ATG2A: variants seen among roughly 807,000 people sequenced by gnomAD.
ATG2A encodes autophagy related 2A.
A neutral mutation model predicts 214.2 loss-of-function variants in ATG2A; 103 were observed. That is an observed-to-expected ratio of 0.48 (90% CI 0.41 to 0.57). The LOEUF (loss-of-function observed/expected upper bound fraction) is 0.57. Among genes scored for constraint, ATG2A ranks in the 20% least tolerant of loss-of-function variants. The pLI is 0.00. For missense variants in ATG2A, 2,312 were observed against 2,613.2 expected (o/e 0.88, Z 2.51); for synonymous variants, 1,160 against 1,142.1 (o/e 1.02, Z -0.32).
rs1390977774 is a variant in ATG2A at position 64,913,954 on chromosome 11, G to C, written c.488-31C>G. 6.2e-7 allele frequency: 1 copy of C among 1,609,678 alleles called. No individual in the cohort carries two copies. The highest frequency in any genetic ancestry group is 1.3e-5 in the African/African-American group (1 of 74,856). On this transcript the variant is annotated intron_variant, in intron 3 of 40. Transcript: ENST00000377264. The surrounding 1 kb of genome is among the most constrained non-coding windows in gnomAD (Gnocchi z 4.3). ...GAGTTGGGGAGGGGTCTCAGGTCAG[G>C]TAGAGCAGCAAAGGGGAGGCAGAAT...
intron 31 of ATG2A, among the ~76,000 whole-genome samples, chr11:64,899,171 C>G (rs962011189): frequency 1.3e-5 from 2 of 152,162 alleles, no homozygotes; most frequent in Non-Finnish European, 2.9e-5. Flanking sequence ...TCCCAAAGTG[C>G]TGGGACTACA....
rs1280466810 is a variant in ATG2A at position 64,903,882 on chromosome 11, G to T, written c.3465-222C>A. ...TGCCTGCAGTTCCGACACCTCAATG[G>T]GGCCTCATGACAGTCCTGGGAAGGG... On this transcript the variant is annotated intron_variant, in intron 24 of 40. Coordinates refer to ENST00000377264, the MANE Select transcript of ATG2A (RefSeq NM_015104.3). This position sits in a 1 kb window ranked among gnomAD's most constrained non-coding sequence, Gnocchi z 4.2. 1.3e-5 allele frequency among the ~76,000 whole-genome samples: 2 copies of T among 152,184 alleles called. No homozygotes were observed. The highest frequency in any genetic ancestry group is 2.9e-5 in the Non-Finnish European group (2 of 68,012).
At chr11:64,912,841 C>T (rs1944828450) in intron 6 of ATG2A, 197 bp downstream of exon 6, 1 of 545,184 alleles carries the variant, frequency 1.8e-6, no homozygotes, top group Non-Finnish European at 3.2e-6. Flanking sequence ...GATCCACCCA[C>T]CTTGGCCTCC....
Position 64,900,489 on chromosome 11 carries a change from C to T in ATG2A, c.4464+5G>A, listed in dbSNP as rs1201589163. ...CGTGTAGTAGGCACTCGCCACCCCA[C>T]TCACCTTGCTCAGCTGGATCTCCAT... On this transcript the variant is annotated splice_donor_5th_base_variant and intron_variant, in intron 31 of 40. Coordinates refer to ENST00000377264, the MANE Select transcript of ATG2A (RefSeq NM_015104.3). 2 of 1,613,450 alleles carry T rather than the reference C, an allele frequency of 1.2e-6. No individual in the cohort carries two copies. The highest frequency in any genetic ancestry group is 1.7e-6 in the Non-Finnish European group (2 of 1,180,026).
rs755636951 is a variant in ATG2A at position 64,906,346 on chromosome 11, G to T, written c.3171C>A (p.His1057Gln). 6.2e-7 allele frequency: 1 copy of T among 1,613,146 alleles called. No individual in the cohort carries two copies. The highest frequency in any genetic ancestry group is 1.7e-5 in the Admixed American group (1 of 60,016). Residue 1057 changes from histidine (H) to glutamine (Q), a missense_variant, in exon 21 of 41, where the codon CAC becomes CAA. Transcript: ENST00000377264. ...STAVRIHLDP[H>Q]KNVKEFLVTL... ...GGCAAGCCCATACCTTCACATTCTT[G>T]TGGGGGTCCAGGTGGATGCGCACAG...
Position 64,906,783 on chromosome 11 carries a change from G to A in ATG2A, c.2865C>T (p.His955=), listed in dbSNP as rs200669960. The A allele has an allele frequency of 7.3e-5, 117 of 1,613,218 alleles. No individual in the cohort carries two copies. The highest frequency in any genetic ancestry group is 3.3e-4 in the Middle Eastern group (2 of 6,050). ...DEGGKRLEAV[H]GELVLDMEHG... ...GCTCCATGTCCAGCACCAGCTCCCC[G>A]TGCACAGCCTCCAGCCGCTTCCCAC... is the stretch of plus-strand genomic sequence containing the variant. Residue 955 remains histidine, a synonymous_variant, in exon 20 of 41, where the codon CAC becomes CAT. Coordinates refer to ENST00000377264, the MANE Select transcript of ATG2A (RefSeq NM_015104.3).
intron 16 of ATG2A, 74 bp downstream of exon 16, chr11:64,908,917 C>A (rs1461031884): frequency 6.6e-7 from 1 of 1,513,714 alleles, no homozygotes; most frequent in Non-Finnish European, 8.9e-7. Context: ...CACAGCCACA[C>A]AGGTGGCTCC....
chr11:64,899,813 A>C (rs1030336945), intron 31 of ATG2A, among the ~76,000 whole-genome samples: 1 of 151,650 alleles, frequency 6.6e-6, no homozygotes, highest in African/African-American at 2.4e-5. Flanking sequence ...CTGGTTATGC[A>C]CAGGCTCTGC....
In ATG2A at chr11:64,903,391, T is replaced by TGTGGCCCCCTTCCAC. The variant is rs1369651205; in HGVS notation, c.3536-42_3536-28dup. On this transcript the variant is annotated intron_variant, in intron 25 of 40. Transcript: ENST00000377264. This position sits in a 1 kb window ranked among gnomAD's most constrained non-coding sequence, Gnocchi z 4.2. Reference sequence around the variant, plus strand: ...TGCAGCAGAGGCGAGAGAAAGGTCCTGTGGCCCCCTTCCACCCGGCCCCGG... The same window carrying TGTGGCCCCCTTCCAC: ...TGCAGCAGAGGCGAGAGAAAGGTCCTGTGGCCCCCTTCCACGTGGCCCCCTTCCACCCGGCCCCGG... The TGTGGCCCCCTTCCAC allele has an allele frequency of 6.2e-7, 1 of 1,612,352 alleles. No individual in the cohort carries two copies. Among genetic ancestry groups the TGTGGCCCCCTTCCAC allele is most frequent in the Non-Finnish European group, 8.5e-7 (1 of 1,178,756 alleles).
At position 64,910,085 on chromosome 11, in the gene ATG2A, T is replaced by C. The variant is rs527414682; in HGVS notation, c.1818A>G (p.Leu606=). The stretch of plus-strand genomic sequence containing the variant: ...CAGCAGGTACGGTGGCCAGGCGCAG[T>C]AGGGCGGCCAGCCGGTCCAGGGCCC... ...ELGALDRLAA[L]LRLATVPAEP... is the part of the protein sequence containing the mutation. Residue 606 remains leucine (L), a synonymous_variant, in exon 13 of 41, where the codon CTA becomes CTG. Coordinates refer to ENST00000377264, the MANE Select transcript of ATG2A (RefSeq NM_015104.3). 2 of 1,607,942 alleles carry C rather than the reference T, an allele frequency of 1.2e-6. No homozygotes were observed. The highest frequency in any genetic ancestry group is 1.7e-4 in the Middle Eastern group (1 of 5,984).
At position 64,904,522 on chromosome 11, in the gene ATG2A, T is replaced by G. The variant is rs139941707; in HGVS notation, c.3465-862A>C. On this transcript the variant is annotated intron_variant, in intron 24 of 40. Transcript: ENST00000377264. ...ATTGCGCCACTGCACTCCAGCCTGC[T>G]GACAGAGCGAGACTCTGTCTCAAAA... is the stretch of plus-strand genomic sequence containing the variant. 3.3e-5 allele frequency among the ~76,000 whole-genome samples: 5 copies of G among 151,672 alleles called. No individual in the cohort carries two copies. In the East Asian group the frequency reaches 7.7e-4, roughly 23 times the overall value.
intron 9 of ATG2A, 87 bp downstream of exon 9, chr11:64,911,755 T>G: frequency 6.5e-7 from 1 of 1,549,072 alleles, no homozygotes. Flanking sequence ...CGCTGGGGAT[T>G]TCCTGTGTGC....
chr11:64,909,429 T>A, intron 14 of ATG2A, 62 bp from the exon 15 acceptor site: 1 of 1,544,322 alleles, frequency 6.5e-7, no homozygotes, highest in Admixed American at 1.7e-5. Context: ...TCTTCCCCAA[T>A]GCCCAGGTCG....
chr11:64,910,145 C>G lies in ATG2A; in HGVS notation c.1758G>C (p.Leu586=), dbSNP rs1260472497. The G allele has an allele frequency of 6.2e-7, 1 of 1,611,738 alleles. No individual in the cohort carries two copies. The highest frequency in any genetic ancestry group is 1.7e-5 in the Admixed American group (1 of 59,808). The change falls in exon 13 of 41, where the codon CTG becomes CTC. Residue 586 remains leucine, a synonymous_variant. Coordinates refer to ENST00000377264, the MANE Select transcript of ATG2A (RefSeq NM_015104.3). ...VACHCHSELA[L]DLANFQADVE... is the part of the protein sequence containing the mutation. ...CGTCCGCCTGGAAGTTGGCCAGGTCCAGGGCCAGTTCTGAGTGGCAATGGC... is the reference window on the plus strand; with the variant it reads ...CGTCCGCCTGGAAGTTGGCCAGGTCGAGGGCCAGTTCTGAGTGGCAATGGC...
chr11:64,907,920 G>T, intron 16 of ATG2A, 30 bp from the exon 17 acceptor site: 1 of 1,602,610 alleles, frequency 6.2e-7, no homozygotes, highest in East Asian at 2.2e-5. Context: ...AAGAGCAGGA[G>T]AGTCATCTTA....
chr11:64,909,287 T>C lies in ATG2A; in HGVS notation c.2188A>G (p.Lys730Glu), dbSNP rs776950060. The C allele has an allele frequency of 3.7e-6, 6 of 1,613,468 alleles. No homozygotes were observed. The Admixed American group carries it at 6.7e-5, about 18-fold the overall frequency. The stretch of plus-strand genomic sequence containing the variant: ...CCTACTTACTGGGGCAGGAAGTACT[T>C]GCGCCCAGTGCTCTTGGGGTCCAGG... The part of the protein sequence containing the change: ...KALDPKSTGR[K>E]YFLPQVVVTV... Residue 730 changes from lysine to glutamate, a missense_variant, in exon 15 of 41, where the codon AAG (lysine) becomes GAG (glutamate). Transcript: ENST00000377264.
Position 64,913,769 on chromosome 11 carries a change from G to GC in ATG2A, c.590+51dup. ...GGCTGCGGGTGGGGACCATCCAGCA[G>GC]CCCCCACTCCCCATCTTCACACCAG... is the stretch of plus-strand genomic sequence containing the variant. On this transcript the variant is annotated intron_variant, in intron 4 of 40. Coordinates refer to ENST00000377264, the MANE Select transcript of ATG2A (RefSeq NM_015104.3). This position sits in a 1 kb window ranked among gnomAD's most constrained non-coding sequence, Gnocchi z 4.3. The GC allele has an allele frequency of 6.4e-7, 1 of 1,561,174 alleles. No individual in the cohort carries two copies. Among genetic ancestry groups the GC allele is most frequent in the South Asian group, 1.1e-5 (1 of 89,838 alleles).
intron 24 of ATG2A, among the ~76,000 whole-genome samples, chr11:64,904,276 G>T (rs1944460387): frequency 6.6e-6 from 1 of 151,798 alleles, no homozygotes; most frequent in Non-Finnish European, 1.5e-5. Flanking sequence ...GCTGGGCATG[G>T]TGGCTCATGC....
intron 6 of ATG2A, 76 bp from the exon 7 acceptor site, chr11:64,912,499 C>A: frequency 7.8e-7 from 1 of 1,288,990 alleles, no homozygotes; most frequent in Non-Finnish European, 1.0e-6. Flanking sequence ...CGCCTGCCCT[C>A]GCCCTGGGAA....
Sources: gnomAD v4.1 joint callset for allele counts (sites outside exome capture counted in the v4.1 genomes callset) on GRCh38, gnomAD v4.1.1 for gene constraint, Gnocchi (gnomAD v3.1) non-coding constraint, MANE v1.5 for transcripts, NCBI Gene and HGNC (gene_info 2026-07-23, HGNC 2026-07-21) for gene names.